Variants in ANO3 observed in about 807,000 individuals in gnomAD.
The protein encoded by ANO3 is anoctamin 3.
ANO3 carries 99 observed loss-of-function variants against 144.8 expected under a neutral mutation model. The observed-to-expected ratio is 0.68, with a 90% CI of 0.58 to 0.81. The LOEUF (loss-of-function observed/expected upper bound fraction) is 0.81. ANO3 is among the 30% of genes least tolerant of loss of function. ANO3 has a pLI of 0.00. For synonymous variants in ANO3, 414 were observed against 392.6 expected, an observed-to-expected ratio of 1.05 and a Z score of -0.64; for missense variants, 905 against 1,202.2, an observed-to-expected ratio of 0.75 and a Z score of 3.66.
chr11:26,202,532 G>A (rs1236557264), intron 1 of ANO3, among the ~76,000 whole-genome samples: 1 of 151,428 alleles, frequency 6.6e-6, no homozygotes, highest in African/African-American at 2.4e-5. Flanking sequence ...GAAACACAGG[G>A]CGGGTAATTA....
chr11:26,378,248 C>T (rs1856468019), intron 1 of ANO3, among the ~76,000 whole-genome samples: 1 of 150,656 alleles, frequency 6.6e-6, no homozygotes, highest in Non-Finnish European at 1.5e-5. Context: ...GTTTTAGGGC[C>T]TCACAGTACT....
At chr11:26,404,371 T>C (rs556634313) in intron 1 of ANO3, among the ~76,000 whole-genome samples, 294 of 151,968 alleles carry the variant, frequency 1.9e-3, no homozygotes, top group Non-Finnish European at 2.8e-3. Flanking sequence ...TTTAATGTTC[T>C]ATTCACAAAG....
intron 1 of ANO3, among the ~76,000 whole-genome samples, chr11:26,292,381 G>C (rs894586482): frequency 3.3e-5 from 5 of 152,112 alleles, no homozygotes; most frequent in Non-Finnish European, 5.9e-5. Context: ...AGAGAAGTTT[G>C]TTATTACCAA....
upstream of ANO3, among the ~76,000 whole-genome samples, chr11:26,330,177 G>A (rs1012991277): frequency 6.6e-6 from 1 of 152,036 alleles, no homozygotes. Context: ...TAATCCTCAC[G>A]TAGGAGAATT....
At chr11:26,282,007 G>A (rs951686916) in intron 1 of ANO3, among the ~76,000 whole-genome samples, 1 of 152,152 alleles carries the variant, frequency 6.6e-6, no homozygotes, top group African/African-American at 2.4e-5. Flanking sequence ...ACTTTGCACC[G>A]ACACACTGTT....
At chr11:26,594,922 T>C (rs879753969) in intron 14 of ANO3, among the ~76,000 whole-genome samples, 29 of 152,258 alleles carry the variant, frequency 1.9e-4, no homozygotes, top group South Asian at 2.1e-4. Flanking sequence ...GAAGAGTATA[T>C]TGTGGCCTGG....
At chr11:26,638,624 A>G (rs1476138150) in intron 20 of ANO3, among the ~76,000 whole-genome samples, 1 of 152,210 alleles carries the variant, frequency 6.6e-6, no homozygotes, top group Non-Finnish European at 1.5e-5. Context: ...TAATCTACTA[A>G]TATCATTTTC....
At position 26,509,743 on chromosome 11, in the gene ANO3, A is replaced by T. The variant is rs1042725601; in HGVS notation, c.591+1481A>T. 2.6e-5 allele frequency among the ~76,000 whole-genome samples: 4 copies of T among 152,200 alleles called. No homozygotes were observed. The East Asian group carries it at 7.7e-4, about 29-fold the overall frequency. On this transcript the variant is annotated intron_variant, in intron 5 of 26. Coordinates refer to ENST00000256737, the MANE Select transcript of ANO3 (RefSeq NM_031418.4). ...TCAGAGGGTTAATAGGCACTTAGAT[A>T]TAATATTGGAATCCCTTTACCCCCA... is the stretch of plus-strand genomic sequence containing the variant.
intron 17 of ANO3, among the ~76,000 whole-genome samples, chr11:26,606,147 C>T (rs1851929969): frequency 6.6e-6 from 1 of 152,030 alleles, no homozygotes; most frequent in Admixed American, 6.5e-5. Flanking sequence ...TCTTTGTTCT[C>T]ACTGGTTTCA....
upstream of ANO3, among the ~76,000 whole-genome samples, chr11:26,328,102 G>A (rs1854936232): frequency 6.6e-6 from 1 of 152,176 alleles, no homozygotes; most frequent in Non-Finnish European, 1.5e-5. Context: ...TGGACTCAGA[G>A]AAGGTTGAGG....
chr11:26,598,534 G>C (rs1851704411), intron 15 of ANO3, 87 bp downstream of exon 15: 4 of 916,694 alleles, frequency 4.4e-6, no homozygotes, highest in Non-Finnish European at 6.7e-6. Context: ...GCTGGAAGCA[G>C]TTAACCACCA....
chr11:26,454,448 C>A (rs1030563114), intron 3 of ANO3, among the ~76,000 whole-genome samples: 2 of 152,124 alleles, frequency 1.3e-5, no homozygotes, highest in Admixed American at 1.3e-4. Flanking sequence ...ACTACAAACA[C>A]CTCTACTCAA....
chr11:26,642,879 C>G, intron 22 of ANO3, among the ~76,000 whole-genome samples: 1 of 151,930 alleles, frequency 6.6e-6, no homozygotes, highest in Middle Eastern at 3.4e-3. Flanking sequence ...TGTTTTGTCT[C>G]CCATCTTCCC....
At chr11:26,264,755 C>A (rs1326770494) in intron 1 of ANO3, among the ~76,000 whole-genome samples, 1 of 152,092 alleles carries the variant, frequency 6.6e-6, no homozygotes, top group Non-Finnish European at 1.5e-5. Context: ...TTTCACATGG[C>A]TATTCCTGTG....
intron 24 of ANO3, among the ~76,000 whole-genome samples, chr11:26,654,810 G>A (rs1853635380): frequency 6.6e-6 from 1 of 151,848 alleles, no homozygotes; most frequent in South Asian, 2.1e-4. Context: ...TATGTCTCCA[G>A]TTGAATTTTA....
At chr11:26,503,611 G>T (rs574030231) in intron 4 of ANO3, among the ~76,000 whole-genome samples, 1 of 152,026 alleles carries the variant, frequency 6.6e-6, no homozygotes, top group South Asian at 2.1e-4. Flanking sequence ...GTTAAAACTG[G>T]TAAAAACTCA....
chr11:26,276,232 A>T (rs1351521472), intron 1 of ANO3, among the ~76,000 whole-genome samples: 3 of 152,080 alleles, frequency 2.0e-5, no homozygotes, highest in Non-Finnish European at 2.9e-5. Flanking sequence ...ATCGTTGCAT[A>T]TGAGAAGAGT....
At chr11:26,232,487 A>G (rs1852422831) in intron 1 of ANO3, among the ~76,000 whole-genome samples, 1 of 152,138 alleles carries the variant, frequency 6.6e-6, no homozygotes, top group Admixed American at 6.5e-5. Context: ...CAATAATTTC[A>G]TTTCTTGCTT....
At chr11:26,309,648 T>C (rs1174169199) in exon 1 of ANO3, 7 of 985,274 alleles carry the variant, frequency 7.1e-6, no homozygotes, top group Non-Finnish European at 8.4e-6. Flanking sequence ...CTCACAGGTC[T>C]GCAAAAGTTG....
Sources: gnomAD v4.1 joint callset for allele counts (sites outside exome capture counted in the v4.1 genomes callset) on GRCh38, gnomAD v4.1.1 for gene constraint, MANE v1.5 for transcripts, NCBI Gene and HGNC (gene_info 2026-07-23, HGNC 2026-07-21) for gene names.